The following CIMAP1D variants were observed in gnomAD, a reference collection of about 807,000 sequenced individuals.
The protein encoded by CIMAP1D is protein CIMAP1D.
the CIMAP1D span, among the ~76,000 whole-genome samples, chr19:480,450 T>C: frequency 6.7e-6 from 1 of 149,964 alleles, no homozygotes; most frequent in East Asian, 2.0e-4. Context: ...GGAAGGATGA[T>C]AGGGGAGGAT....
At chr19:488,572 C>T in the CIMAP1D span, among the ~76,000 whole-genome samples, 1 of 152,256 alleles carries the variant, frequency 6.6e-6, no homozygotes, top group Non-Finnish European at 1.5e-5. Flanking sequence ...CCTCGTCCCT[C>T]GCGCTGCTGG....
At chr19:471,144 G>GTTTTC in the CIMAP1D span, among the ~76,000 whole-genome samples, 1 of 152,190 alleles carries the variant, frequency 6.6e-6, no homozygotes. Flanking sequence ...TTTTGTTTTT[G>GTTTTC]TTTTCTTTTC....
the CIMAP1D span, chr19:463,551 A>G: frequency 2.1e-6 from 1 of 472,210 alleles, no homozygotes; most frequent in Non-Finnish European, 3.7e-6. Flanking sequence ...CCAGCCAGCT[A>G]CTGGGGAGGG....
the CIMAP1D span, among the ~76,000 whole-genome samples, chr19:488,672 A>G: frequency 6.6e-6 from 1 of 152,184 alleles, no homozygotes; most frequent in African/African-American, 2.4e-5. Context: ...CCCCTACTCC[A>G]GAATCCGCGT....
At chr19:476,016 T>C in the CIMAP1D span, among the ~76,000 whole-genome samples, 5 of 123,048 alleles carry the variant, frequency 4.1e-5, no homozygotes, top group Non-Finnish European at 7.8e-5. Flanking sequence ...TTTTTTTTTT[T>C]GAGACAGAGT....
the CIMAP1D span, among the ~76,000 whole-genome samples, chr19:477,859 C>A: frequency 6.6e-6 from 1 of 152,178 alleles, no homozygotes. Context: ...TCCACCTCCC[C>A]CTGTCCTCTC....
chr19:486,345 C>G, the CIMAP1D span, among the ~76,000 whole-genome samples: 1 of 152,190 alleles, frequency 6.6e-6, no homozygotes, highest in Non-Finnish European at 1.5e-5. Context: ...CTGCCTGATA[C>G]ACCCGGTCCA....
At chr19:471,795 T>C in the CIMAP1D span, among the ~76,000 whole-genome samples, 1 of 151,718 alleles carries the variant, frequency 6.6e-6, no homozygotes, top group South Asian at 2.1e-4. Flanking sequence ...CAGGCTGGAG[T>C]GCAGTGGCGC....
At chr19:485,935 C>A in the CIMAP1D span, among the ~76,000 whole-genome samples, 1 of 142,512 alleles carries the variant, frequency 7.0e-6, no homozygotes, top group African/African-American at 2.7e-5. Flanking sequence ...CGGCGGCCAG[C>A]CCCCTGACTC....
At chr19:478,461 G>C in the CIMAP1D span, among the ~76,000 whole-genome samples, 5 of 111,600 alleles carry the variant, frequency 4.5e-5, no homozygotes, top group African/African-American at 1.5e-4. Context: ...CAAGCCGACA[G>C]CATGTTGCTG....
chr19:479,174 A>G, the CIMAP1D span, among the ~76,000 whole-genome samples: 107 of 152,186 alleles, frequency 7.0e-4, no homozygotes, highest in Non-Finnish European at 1.4e-3. Flanking sequence ...TGCCGTGCAG[A>G]AGGGCTGCTG....
chr19:472,041 G>A, the CIMAP1D span, among the ~76,000 whole-genome samples: 2 of 152,196 alleles, frequency 1.3e-5, no homozygotes, highest in Admixed American at 6.5e-5. Flanking sequence ...CCACCGCACC[G>A]GCCTGCTATT....
At chr19:472,322 A>AG in the CIMAP1D span, 1 of 870,490 alleles carries the variant, frequency 1.1e-6, no homozygotes, top group Non-Finnish European at 1.7e-6. Flanking sequence ...AGGGGTAAGG[A>AG]GACCCATCAG....
At chr19:485,975 CT>C in the CIMAP1D span, among the ~76,000 whole-genome samples, 17 of 152,352 alleles carry the variant, frequency 1.1e-4, no homozygotes, top group African/African-American at 4.1e-4. Flanking sequence ...CTGCCCGCCC[CT>C]TTGTTCCCGG....
At chr19:472,547 G>A in the CIMAP1D span, 33 of 1,358,744 alleles carry the variant, frequency 2.4e-5, no homozygotes, top group Non-Finnish European at 2.5e-5. Context: ...CAGATTCCCC[G>A]AAGAAGGAGC....
the CIMAP1D span, chr19:464,473 C>T: frequency 1.4e-6 from 1 of 709,886 alleles, no homozygotes; most frequent in Non-Finnish European, 2.5e-6. Flanking sequence ...GCTTCTCAAG[C>T]AGCCTGGGTG....
chr19:474,339 G>C, the CIMAP1D span, among the ~76,000 whole-genome samples: 1 of 152,196 alleles, frequency 6.6e-6, no homozygotes. Flanking sequence ...CGCGTCTCCC[G>C]CATGATCGCT....
the CIMAP1D span, among the ~76,000 whole-genome samples, chr19:476,037 C>G: frequency 9.2e-5 from 13 of 141,624 alleles, no homozygotes; most frequent in African/African-American, 3.2e-4. Flanking sequence ...CTTGCTCCCC[C>G]GCCCAGGCTG....
chr19:482,856 C>T, the CIMAP1D span, among the ~76,000 whole-genome samples: 1 of 152,168 alleles, frequency 6.6e-6, no homozygotes, highest in Non-Finnish European at 1.5e-5. Flanking sequence ...CCAGCCCCGC[C>T]CCTCGACGGG....
Sources: allele counts gnomAD v4.1 joint callset (sites outside exome capture counted in the v4.1 genomes callset), GRCh38; gene constraint gnomAD v4.1.1; transcripts MANE v1.5; gene names NCBI Gene and HGNC (gene_info 2026-07-23, HGNC 2026-07-21).